Variants in UCHL1 observed in about 807,000 individuals in gnomAD.
UCHL1 encodes ubiquitin C-terminal hydrolase L1, also known as ubiquitin carboxyl-terminal hydrolase isozyme L1.
Under a neutral mutation model 33.3 loss-of-function variants are expected in UCHL1, and 5 were observed. That is an observed-to-expected ratio of 0.15 (90% confidence interval 0.08 to 0.32). UCHL1 has a LOEUF of 0.32. Ranked by LOEUF, UCHL1 falls within the 10% of genes least tolerant of loss-of-function variation. UCHL1 has a pLI of 1.00. For missense variants in UCHL1, 236 were observed against 280.0 expected, an observed-to-expected ratio of 0.84 and a Z score of 1.12; for synonymous variants, 132 against 108.8, an observed-to-expected ratio of 1.21 and a Z score of -1.33.
chr4:41,258,729 A>G lies in UCHL1; in HGVS notation c.174+992A>G, dbSNP rs538298757. Among the ~76,000 whole-genome samples, 3 of 152,350 alleles carry G rather than the reference A, an allele frequency of 2.0e-5. No homozygotes were observed. The East Asian group carries it at 5.8e-4, about 29-fold the overall frequency. On this transcript the variant is annotated intron_variant, in intron 3 of 8. Transcript: ENST00000284440. Reference sequence around the variant, plus strand: ...CTGGAAGCATCTGTAGCCAAAATCAAGAGTATGGGAAGTTCCAAGCCTTCC... The same window carrying G: ...CTGGAAGCATCTGTAGCCAAAATCAGGAGTATGGGAAGTTCCAAGCCTTCC...
intron 2 of UCHL1, 112 bp from the exon 3 acceptor site, chr4:41,257,497 C>A: frequency 7.5e-7 from 1 of 1,334,128 alleles, no homozygotes; most frequent in Non-Finnish European, 9.6e-7. Flanking sequence ...TGGGGCTCCT[C>A]CCAGGCTCGG....
At chr4:41,265,616 CTG>C (rs1018509545) in intron 8 of UCHL1, among the ~76,000 whole-genome samples, 4 of 152,124 alleles carry the variant, frequency 2.6e-5, no homozygotes, top group South Asian at 2.1e-4. Flanking sequence ...CATCTAGAGT[CTG>C]TGTTCTTAGC....
intron 4 of UCHL1, among the ~76,000 whole-genome samples, chr4:41,261,421 G>T (rs1781066309): frequency 6.6e-6 from 1 of 152,192 alleles, no homozygotes; most frequent in Non-Finnish European, 1.5e-5. Context: ...AGTGACAGGA[G>T]ATTTGAGAGA....
intron 8 of UCHL1, among the ~76,000 whole-genome samples, chr4:41,267,629 T>C (rs528621339): frequency 1.3e-5 from 2 of 152,246 alleles, no homozygotes; most frequent in African/African-American, 2.4e-5. Context: ...TTTTCACTTA[T>C]GCCACCTTAT....
intron 8 of UCHL1, among the ~76,000 whole-genome samples, chr4:41,266,226 CTTTTTTTT>C (rs71650920): frequency 1.2e-4 from 17 of 136,780 alleles, no homozygotes; most frequent in African/African-American, 4.5e-4. Context: ...CTGGCTAAAA[CTTTTTTTT>C]TTTTTTTTTT....
Position 41,257,690 on chromosome 4 carries a change from C to T in UCHL1, c.127C>T (p.Pro43Ser). 1 of 1,577,396 alleles carries T rather than the reference C, an allele frequency of 6.3e-7. No individual in the cohort carries two copies. Among genetic ancestry groups the T allele is most frequent in the Non-Finnish European group, 8.6e-7 (1 of 1,165,240 alleles). The change falls in exon 3 of 9, where the codon CCA becomes TCA. Residue 43 changes from proline (P) to serine (S), a missense_variant. Pro to Ser is a moderately conservative substitution (Grantham distance 74). Transcript: ENST00000284440. ...GLEEESLGSV[P>S]APACALLLLF... ...GGAAGAGGAGTCTCTGGGCTCGGTG[C>T]CAGCGCCTGCCTGCGCGCTGCTGCT...
At chr4:41,263,315 A>G in intron 7 of UCHL1, 24 bp downstream of exon 7, 1 of 1,608,056 alleles carries the variant, frequency 6.2e-7, no homozygotes, top group South Asian at 1.1e-5. Flanking sequence ...CATTTTTGGA[A>G]CCCAGTGTAG....
At chr4:41,262,279 T>C (rs756655283) in intron 6 of UCHL1, among the ~76,000 whole-genome samples, 3 of 151,986 alleles carry the variant, frequency 2.0e-5, no homozygotes, top group African/African-American at 2.4e-5. Context: ...TTGGCCAACA[T>C]AGTGAAACCC....
At position 41,268,136 on chromosome 4, in the gene UCHL1, C is replaced by G. The variant is rs759170558; in HGVS notation, c.*63C>G. The stretch of plus-strand genomic sequence containing the variant: ...CCTTCAACATGAAAATATATACCCC[C>G]CCATGCAGTCTAAAATGCTTCAGTA... On this transcript the variant is annotated 3_prime_UTR_variant, in exon 9 of 9. Transcript: ENST00000284440. The G allele has an allele frequency of 6.9e-6, 10 of 1,450,874 alleles. No homozygotes were observed. The East Asian group carries it at 1.2e-4, about 17-fold the overall frequency. The allele number at this position is 1,450,874 out of a possible 1,614,324, so 89.9% of individuals were successfully genotyped here.
rs905402690 is a variant in UCHL1 at position 41,260,874 on chromosome 4, G to T, written c.325+77G>T. On this transcript the variant is annotated intron_variant, in intron 4 of 8. Transcript: ENST00000284440. The stretch of plus-strand genomic sequence containing the variant: ...AGTTCAGAAACAGCTGTTTTCCCGA[G>T]GTCAGAGATGCTGTACCTTTTGAAA... 5 of 1,599,520 alleles carry T rather than the reference G, an allele frequency of 3.1e-6. No individual in the cohort carries two copies. In the African/African-American group the frequency reaches 5.4e-5, roughly 17 times the overall value.
intron 3 of UCHL1, among the ~76,000 whole-genome samples, chr4:41,260,221 C>T (rs1781049080): frequency 6.6e-6 from 1 of 152,040 alleles, no homozygotes; most frequent in Admixed American, 6.6e-5. Context: ...GAAATGTAAA[C>T]CAGCTGGTGC....
At position 41,264,160 on chromosome 4, in the gene UCHL1, A is replaced by C; in HGVS notation, c.584A>C (p.Lys195Thr). The C allele has an allele frequency of 1.2e-6, 2 of 1,614,220 alleles. No individual in the cohort carries two copies. Among genetic ancestry groups the C allele is most frequent in the Non-Finnish European group, 1.7e-6 (2 of 1,180,040 alleles). ...GCCAGTTCAGAGGACACCCTGCTGA[A>C]GGTCATCTTTGGAATGCATCTCTTC... Reference protein sequence around the residue: ...HGASSEDTLLKDAAKVCREFT... With the variant: ...HGASSEDTLLTDAAKVCREFT... Residue 195 changes from lysine (K) to threonine (T), a missense_variant and splice_region_variant, in exon 8 of 9, where the codon AAG becomes ACG. Transcript: ENST00000284440.
At chr4:41,257,776 T>C (rs1383859281) in intron 3 of UCHL1, 39 bp downstream of exon 3, 4 of 1,540,542 alleles carry the variant, frequency 2.6e-6, no homozygotes, top group Non-Finnish European at 3.5e-6. Flanking sequence ...CCGCCGGCAG[T>C]GCACGCCGCT....
chr4:41,263,382 C>T, intron 7 of UCHL1, 91 bp downstream of exon 7: 1 of 1,209,474 alleles, frequency 8.3e-7, no homozygotes, highest in African/African-American at 1.5e-5. Context: ...CTTTATGGCA[C>T]TTGGCATATC....
chr4:41,267,231 GTT>G (rs35305367), intron 8 of UCHL1, among the ~76,000 whole-genome samples: 8 of 149,400 alleles, frequency 5.4e-5, no homozygotes, highest in South Asian at 2.1e-4. Context: ...CGTTAAGGCT[GTT>G]TTTTTTTTTG....
intron 6 of UCHL1, among the ~76,000 whole-genome samples, chr4:41,262,385 G>T (rs73144350): frequency 6.6e-6 from 1 of 152,150 alleles, no homozygotes; most frequent in Non-Finnish European, 1.5e-5. Flanking sequence ...GGCAGAGGTT[G>T]CAGTGAGCTG....
chr4:41,257,469 G>T, intron 2 of UCHL1, 140 bp from the exon 3 acceptor site: 1 of 1,178,258 alleles, frequency 8.5e-7, no homozygotes, highest in Non-Finnish European at 1.1e-6. Context: ...GGCCCGGGTG[G>T]GGGTGGCAGG....
At chr4:41,265,910 A>T (rs138303221) in intron 8 of UCHL1, among the ~76,000 whole-genome samples, 1 of 152,220 alleles carries the variant, frequency 6.6e-6, no homozygotes, top group Non-Finnish European at 1.5e-5. Context: ...GAATAAGAAA[A>T]CAGGCAGAAT....
chr4:41,261,351 C>T (rs74509385), intron 4 of UCHL1, among the ~76,000 whole-genome samples: 1,773 of 152,206 alleles, frequency 0.012, 36 homozygotes, highest in African/African-American at 0.039. Flanking sequence ...AAGGCAGCCC[C>T]GGCTTTTATG....
Sources: allele counts gnomAD v4.1 joint callset (sites outside exome capture counted in the v4.1 genomes callset), GRCh38; gene constraint gnomAD v4.1.1; transcripts MANE v1.5; gene names NCBI Gene and HGNC (gene_info 2026-07-23, HGNC 2026-07-21).